The following KIAA0319L variants were observed in gnomAD, a reference collection of about 807,000 sequenced individuals.
KIAA0319L encodes KIAA0319 like.
Under a neutral mutation model 120.1 loss-of-function variants are expected in KIAA0319L, and 55 were observed. The ratio of observed to expected loss-of-function variants is 0.46; its 90% CI spans 0.37 to 0.57. The LOEUF (loss-of-function observed/expected upper bound fraction) is 0.57. Among genes scored for constraint, KIAA0319L ranks in the 20% least tolerant of loss-of-function variants. The pLI is 0.00. For missense variants in KIAA0319L, 1,049 were observed against 1,255.3 expected (o/e 0.84, Z 2.48); for synonymous variants, 398 against 471.9 (o/e 0.84, Z 2.03).
chr1:35,472,356 A>G (rs576089169), intron 5 of KIAA0319L, among the ~76,000 whole-genome samples: 5 of 152,252 alleles, frequency 3.3e-5, no homozygotes, highest in Admixed American at 1.3e-4. Flanking sequence ...CAGTGGTGCA[A>G]TCTCAGCTCA....
chr1:35,469,153 T>G (rs1251966091), intron 6 of KIAA0319L, among the ~76,000 whole-genome samples: 1 of 152,150 alleles, frequency 6.6e-6, no homozygotes, highest in Non-Finnish European at 1.5e-5. Context: ...CTCACCCTCC[T>G]GAGTAGCTGG....
chr1:35,464,579 A>G (rs1372969834), intron 7 of KIAA0319L, among the ~76,000 whole-genome samples: 1 of 152,252 alleles, frequency 6.6e-6, no homozygotes, highest in Non-Finnish European at 1.5e-5. Context: ...CTGACAATGC[A>G]ATAGAAAACA....
chr1:35,460,989 T>C (rs1229427987), intron 8 of KIAA0319L, among the ~76,000 whole-genome samples: 1 of 152,232 alleles, frequency 6.6e-6, no homozygotes, highest in Non-Finnish European at 1.5e-5. Context: ...ACATCATGTT[T>C]ACAAGATTAT....
chr1:35,467,210 A>G lies in KIAA0319L; in HGVS notation c.1114-515T>C, dbSNP rs1471957771. Among the ~76,000 whole-genome samples, 3 of 152,166 alleles carry G rather than the reference A, an allele frequency of 2.0e-5. No individual in the cohort carries two copies. In the East Asian group the frequency reaches 5.8e-4, roughly 29 times the overall value. On this transcript the variant is annotated intron_variant, in intron 6 of 20. Transcript: ENST00000325722. ...ACTCCCATTTTCTTTTCAGAAGAACATTAAGGGCCCGAATATCCCACTCCA... is the reference window on the plus strand; with the variant it reads ...ACTCCCATTTTCTTTTCAGAAGAACGTTAAGGGCCCGAATATCCCACTCCA...
At chr1:35,477,570 G>C (rs1643948395) in intron 4 of KIAA0319L, among the ~76,000 whole-genome samples, 1 of 151,676 alleles carries the variant, frequency 6.6e-6, no homozygotes, top group Non-Finnish European at 1.5e-5. Flanking sequence ...GGGAGGCTGA[G>C]GCAGGAGAAT....
intron 2 of KIAA0319L, among the ~76,000 whole-genome samples, chr1:35,531,334 G>A (rs910690439): frequency 6.6e-6 from 1 of 152,194 alleles, no homozygotes; most frequent in Admixed American, 6.5e-5. Flanking sequence ...GGACCCTGTG[G>A]TTCCTCTGGG....
chr1:35,484,800 A>T (rs1368947587), intron 3 of KIAA0319L, among the ~76,000 whole-genome samples: 378 of 16,804 alleles, frequency 0.022, 4 homozygotes, highest in East Asian at 0.093. Flanking sequence ...ATATATATAT[A>T]TATATATTTT....
At chr1:35,473,380 G>A (rs1430902691) in intron 5 of KIAA0319L, among the ~76,000 whole-genome samples, 2 of 152,068 alleles carry the variant, frequency 1.3e-5, no homozygotes, top group Non-Finnish European at 2.9e-5. Flanking sequence ...TTACAAGTGT[G>A]AGCCACCGTG....
At chr1:35,439,413 T>C (rs555590488) in intron 20 of KIAA0319L, 1 of 152,332 alleles carries the variant, frequency 6.6e-6, no homozygotes, top group South Asian at 2.1e-4. Flanking sequence ...AGTCTGTCCG[T>C]TTGATTCACC....
Position 35,444,053 on chromosome 1 carries a change from C to T in KIAA0319L, c.2656+108G>A, listed in dbSNP as rs1641429358. 5.4e-6 allele frequency: 5 copies of T among 928,688 alleles called. No homozygotes were observed. In the South Asian group the frequency reaches 9.3e-5, roughly 17 times the overall value. 57.5% of individuals were successfully genotyped at this position (928,688 alleles called of 1,614,324 possible). ...AATAGTAGTGCAAGAGAATGATTAT[C>T]TCCATCTTCCCAGAGAAAAGAAGAT... On this transcript the variant is annotated intron_variant, in intron 17 of 20. Coordinates refer to ENST00000325722, the MANE Select transcript of KIAA0319L (RefSeq NM_024874.5).
intron 2 of KIAA0319L, among the ~76,000 whole-genome samples, chr1:35,518,275 T>C (rs1234002394): frequency 6.6e-6 from 1 of 152,156 alleles, no homozygotes; most frequent in Non-Finnish European, 1.5e-5. Context: ...TGAGTGTTCA[T>C]TACAGCACTA....
chr1:35,469,394 A>G (rs1380863834), intron 6 of KIAA0319L, among the ~76,000 whole-genome samples: 1 of 152,134 alleles, frequency 6.6e-6, no homozygotes, highest in Admixed American at 6.5e-5. Context: ...TGAAGATCTA[A>G]ACATGTGTTT....
intron 2 of KIAA0319L, among the ~76,000 whole-genome samples, chr1:35,511,750 T>A (rs1327369970): frequency 6.6e-6 from 1 of 152,150 alleles, no homozygotes; most frequent in Non-Finnish European, 1.5e-5. Context: ...TTTGTATTAG[T>A]GAAATAGCTG....
chr1:35,528,342 A>G (rs951907361), intron 2 of KIAA0319L, among the ~76,000 whole-genome samples: 11 of 152,300 alleles, frequency 7.2e-5, no homozygotes, highest in Middle Eastern at 6.8e-3. Flanking sequence ...TCAGCCTCCC[A>G]AAGTGTTTCA....
chr1:35,512,433 G>A (rs1047093349), intron 2 of KIAA0319L, among the ~76,000 whole-genome samples: 3 of 150,700 alleles, frequency 2.0e-5, no homozygotes, highest in Non-Finnish European at 4.4e-5. Flanking sequence ...ATGATAAAGA[G>A]AAGAGTAATC....
chr1:35,552,405 A>T (rs1373390672), intron 2 of KIAA0319L, among the ~76,000 whole-genome samples: 3 of 152,144 alleles, frequency 2.0e-5, no homozygotes, highest in Non-Finnish European at 4.4e-5. Context: ...GAGTACCAGA[A>T]GAGAAAGAGT....
intron 2 of KIAA0319L, 87 bp from the exon 3 acceptor site, chr1:35,507,222 G>T (rs766328607): frequency 9.0e-5 from 122 of 1,353,006 alleles, no homozygotes; most frequent in Non-Finnish European, 1.0e-4. Context: ...AACATTTGAG[G>T]TTATTTTGAA....
intron 3 of KIAA0319L, among the ~76,000 whole-genome samples, chr1:35,481,607 C>A (rs75871118): frequency 4.0e-5 from 6 of 151,824 alleles, no homozygotes; most frequent in African/African-American, 7.3e-5. Flanking sequence ...ATTTTTACCC[C>A]CCCTTTTTAA....
At chr1:35,442,778 A>G in intron 18 of KIAA0319L, 128 bp downstream of exon 18, 1 of 1,178,324 alleles carries the variant, frequency 8.5e-7, no homozygotes. Context: ...GTCCTCTGCA[A>G]ACAGAAAATA....
Sources: gnomAD v4.1 joint callset for allele counts (sites outside exome capture counted in the v4.1 genomes callset) on GRCh38, gnomAD v4.1.1 for gene constraint, MANE v1.5 for transcripts, NCBI Gene and HGNC (gene_info 2026-07-23, HGNC 2026-07-21) for gene names.